Variants in CYSLTR2 observed in about 807,000 individuals in gnomAD.
CYSLTR2 encodes cysteinyl leukotriene receptor 2.
For missense variants in CYSLTR2, 398 were observed against 411.9 expected, an observed-to-expected ratio of 0.97 and a Z score of 0.29; for synonymous variants, 179 against 160.8, an observed-to-expected ratio of 1.11 and a Z score of -0.86.
rs573849942 is a variant in CYSLTR2, at chr13:48,710,566, G to A, written c.*2708G>A. 1 of 152,022 alleles carries A rather than the reference G, an allele frequency of 6.6e-6. No individual in the cohort carries two copies. The highest frequency in any genetic ancestry group is 1.9e-4 in the East Asian group (1 of 5,184). 9.4% of individuals were successfully genotyped at this position (152,022 alleles called of 1,614,324 possible). A position where few individuals can be genotyped will look rare whatever the true frequency, so the allele number is the denominator to read the frequency against. On this transcript the variant is annotated 3_prime_UTR_variant, in exon 5 of 5. Coordinates refer to ENST00000682523, the MANE Select transcript of CYSLTR2 (RefSeq NM_001308476.3). ...AATGTGAAAGTTCTTGACTTAATAA[G>A]GAAAGAAAAAAAACACATGCTGAAG...
At chr13:48,670,179 C>A (rs1198862672) in intron 1 of CYSLTR2, among the ~76,000 whole-genome samples, 3 of 151,966 alleles carry the variant, frequency 2.0e-5, no homozygotes, top group Admixed American at 1.3e-4. Flanking sequence ...GGATATTAGC[C>A]CTTTGTCAGA....
intron 2 of CYSLTR2, among the ~76,000 whole-genome samples, chr13:48,691,820 T>C (rs965225999): frequency 1.3e-5 from 2 of 152,084 alleles, no homozygotes; most frequent in Non-Finnish European, 2.9e-5. Context: ...AAGATATTTA[T>C]ATTAGCATAT....
At chr13:48,675,804 C>A (rs751074183) in intron 1 of CYSLTR2, among the ~76,000 whole-genome samples, 1 of 152,100 alleles carries the variant, frequency 6.6e-6, no homozygotes, top group African/African-American at 2.4e-5. Context: ...TCTCCTAGTC[C>A]GCAGGTTGCA....
At chr13:48,686,832 G>T (rs527617554) in intron 1 of CYSLTR2, among the ~76,000 whole-genome samples, 3 of 152,294 alleles carry the variant, frequency 2.0e-5, no homozygotes, top group Admixed American at 2.0e-4. Context: ...ATACTTTCCA[G>T]CTGTAATAGT....
chr13:48,657,513 G>A (rs1484591124), intron 1 of CYSLTR2, among the ~76,000 whole-genome samples: 1 of 151,744 alleles, frequency 6.6e-6, no homozygotes, highest in Non-Finnish European at 1.5e-5. Context: ...GGAGAGGGGA[G>A]AGGAGGGAAA....
intron 4 of CYSLTR2, among the ~76,000 whole-genome samples, chr13:48,700,135 T>C (rs1594017999): frequency 6.6e-6 from 1 of 152,160 alleles, no homozygotes; most frequent in Non-Finnish European, 1.5e-5. Flanking sequence ...TTCCAATCAA[T>C]AGAAAAAGAG....
intron 1 of CYSLTR2, among the ~76,000 whole-genome samples, chr13:48,661,141 A>G (rs12865846): frequency 0.19 from 28,694 of 151,392 alleles, 3,232 homozygotes; most frequent in South Asian, 0.27. Flanking sequence ...TTATTGAGAC[A>G]GTGTCTTGCT....
At chr13:48,699,021 G>A (rs1566103788) in intron 4 of CYSLTR2, among the ~76,000 whole-genome samples, 1 of 152,150 alleles carries the variant, frequency 6.6e-6, no homozygotes, top group Non-Finnish European at 1.5e-5. Flanking sequence ...GATTCATAAA[G>A]CAAGTCCTTA....
At position 48,673,899 on chromosome 13, in the gene CYSLTR2, G is replaced by A. The variant is rs140843926; in HGVS notation, c.-265-17313G>A. Among the ~76,000 whole-genome samples the A allele has an allele frequency of 4.9e-3, 744 of 152,216 alleles. 3 individuals are homozygous for A. The highest frequency in any genetic ancestry group is 0.014 in the Middle Eastern group (4 of 294). ...CCTGTGAAGCTTATTTTAGCAGGAC[G>A]TGAAATTCCGGGTTGAAAATTCTTT... On this transcript the variant is annotated intron_variant, in intron 1 of 4. Transcript: ENST00000682523.
intron 1 of CYSLTR2, among the ~76,000 whole-genome samples, chr13:48,666,599 C>T (rs560831466): frequency 2.6e-5 from 4 of 152,156 alleles, no homozygotes; most frequent in African/African-American, 9.6e-5. Flanking sequence ...CTCTTTTATG[C>T]CTTTTTTGTT....
intron 4 of CYSLTR2, among the ~76,000 whole-genome samples, chr13:48,701,762 C>G (rs183022444): frequency 2.0e-3 from 301 of 152,320 alleles, no homozygotes; most frequent in Middle Eastern, 6.8e-3. Context: ...CAGGAAACAA[C>G]AGGTACTGGA....
At chr13:48,700,316 C>G (rs1479761708) in intron 4 of CYSLTR2, among the ~76,000 whole-genome samples, 5 of 152,302 alleles carry the variant, frequency 3.3e-5, no homozygotes, top group African/African-American at 1.2e-4. Flanking sequence ...AAAAGCTTAT[C>G]CACCACGATC....
intron 1 of CYSLTR2, among the ~76,000 whole-genome samples, chr13:48,676,883 A>G (rs1953611059): frequency 6.6e-6 from 1 of 152,244 alleles, no homozygotes; most frequent in African/African-American, 2.4e-5. Context: ...TCTGAAAAGA[A>G]AATTCTTTGC....
chr13:48,707,238 G>A lies in CYSLTR2; in HGVS notation c.421G>A (p.Val141Ile), dbSNP rs1040952370. 7 of 1,614,012 alleles carry A rather than the reference G, an allele frequency of 4.3e-6. No individual in the cohort carries two copies. The Admixed American group carries it at 1.2e-4, about 27-fold the overall frequency. ...VLSVVRFLAMVHPFRLLHVTS... is the reference protein window; with the variant it reads ...VLSVVRFLAMIHPFRLLHVTS... ...GAGTGTTGTGCGTTTCCTGGCAATGGTTCACCCCTTTCGGCTTCTGCATGT... is the reference window on the plus strand; with the variant it reads ...GAGTGTTGTGCGTTTCCTGGCAATGATTCACCCCTTTCGGCTTCTGCATGT... The change falls in exon 5 of 5, where the codon GTT becomes ATT. Residue 141 changes from valine to isoleucine, a missense_variant. Transcript: ENST00000682523.
intron 1 of CYSLTR2, among the ~76,000 whole-genome samples, chr13:48,669,022 G>C (rs1953346291): frequency 6.6e-6 from 1 of 152,068 alleles, no homozygotes; most frequent in South Asian, 2.1e-4. Context: ...ATGGGCATTT[G>C]GGTTTGTTCC....
intron 1 of CYSLTR2, among the ~76,000 whole-genome samples, chr13:48,666,136 C>T (rs1055333120): frequency 2.0e-5 from 3 of 152,046 alleles, no homozygotes; most frequent in Admixed American, 6.6e-5. Flanking sequence ...AAGATTTTAT[C>T]TCCTCTTCAT....
chr13:48,676,295 G>A (rs991604888), intron 1 of CYSLTR2, among the ~76,000 whole-genome samples: 6 of 152,126 alleles, frequency 3.9e-5, no homozygotes, highest in Non-Finnish European at 8.8e-5. Context: ...GATACGATTG[G>A]GACCAAGTGG....
intron 1 of CYSLTR2, among the ~76,000 whole-genome samples, chr13:48,665,648 T>C (rs1280210495): frequency 3.3e-5 from 5 of 152,138 alleles, no homozygotes; most frequent in African/African-American, 1.2e-4. Context: ...TTGATTTCCA[T>C]TTGCATGGAA....
chr13:48,678,595 C>T (rs1953664631), intron 1 of CYSLTR2, among the ~76,000 whole-genome samples: 1 of 152,154 alleles, frequency 6.6e-6, no homozygotes, highest in African/African-American at 2.4e-5. Context: ...TCACCTAGTT[C>T]CTCCTCCCCA....
Sources: allele counts gnomAD v4.1 joint callset (sites outside exome capture counted in the v4.1 genomes callset), GRCh38; gene constraint gnomAD v4.1.1; transcripts MANE v1.5; gene names NCBI Gene and HGNC (gene_info 2026-07-23, HGNC 2026-07-21).